Variants in ZNF722 observed in about 807,000 individuals in gnomAD.
The protein encoded by ZNF722 is zinc finger protein 479 pseudogene.
At chr7:64,008,802 G>A in the ZNF722 span, among the ~76,000 whole-genome samples, 1 of 152,192 alleles carries the variant, frequency 6.6e-6, no homozygotes, top group African/African-American at 2.4e-5. Flanking sequence ...TAGCTTGATG[G>A]GGATGGCATT....
chr7:64,002,763 C>T, the ZNF722 span, among the ~76,000 whole-genome samples: 19 of 152,306 alleles, frequency 1.2e-4, 1 homozygote, highest in South Asian at 3.9e-3. Flanking sequence ...CATGCATACA[C>T]ATTTCCCAAG....
the ZNF722 span, among the ~76,000 whole-genome samples, chr7:64,013,341 A>G: frequency 6.6e-6 from 1 of 152,140 alleles, no homozygotes; most frequent in South Asian, 2.1e-4. Flanking sequence ...ATAGATAGAC[A>G]TAATAGTTAT....
the ZNF722 span, among the ~76,000 whole-genome samples, chr7:64,000,063 CT>C: frequency 6.6e-6 from 1 of 151,712 alleles, no homozygotes; most frequent in Non-Finnish European, 1.5e-5. Context: ...CCACCTCAGC[CT>C]AATTACCTAC....
At chr7:64,000,816 C>T in the ZNF722 span, among the ~76,000 whole-genome samples, 1,735 of 151,618 alleles carry the variant, frequency 0.011, 30 homozygotes, top group African/African-American at 0.038. Context: ...TCTCACTCTC[C>T]GCCCAGGCTG....
At chr7:64,006,404 G>A in the ZNF722 span, 7 of 948,980 alleles carry the variant, frequency 7.4e-6, no homozygotes, top group African/African-American at 1.2e-4. Flanking sequence ...GTGGTCTGGG[G>A]AGCTGTGCTT....
At chr7:64,016,453 G>A in the ZNF722 span, among the ~76,000 whole-genome samples, 1 of 151,854 alleles carries the variant, frequency 6.6e-6, no homozygotes, top group African/African-American at 2.4e-5. Context: ...AAAAAAAAGT[G>A]AAAAAACCTT....
the ZNF722 span, among the ~76,000 whole-genome samples, chr7:64,007,230 G>GTGTGTGTATA: frequency 1.6e-4 from 22 of 138,512 alleles, no homozygotes; most frequent in Non-Finnish European, 2.9e-4. Flanking sequence ...GTTTGTGTGT[G>GTGTGTGTATA]TATATATATA....
At chr7:64,009,594 A>C in the ZNF722 span, among the ~76,000 whole-genome samples, 1 of 152,198 alleles carries the variant, frequency 6.6e-6, no homozygotes, top group African/African-American at 2.4e-5. Context: ...GATGAAGCTG[A>C]CTTGATCGTG....
the ZNF722 span, among the ~76,000 whole-genome samples, chr7:64,002,061 T>C: frequency 6.6e-6 from 1 of 152,014 alleles, no homozygotes; most frequent in South Asian, 2.1e-4. Flanking sequence ...TTTTGTATTT[T>C]TAGTAGAGAT....
At chr7:64,007,174 A>T in the ZNF722 span, among the ~76,000 whole-genome samples, 1 of 149,652 alleles carries the variant, frequency 6.7e-6, no homozygotes, top group African/African-American at 2.5e-5. Context: ...TTTTCTATAA[A>T]TTATTAATTT....
chr7:64,010,681 G>A, the ZNF722 span, among the ~76,000 whole-genome samples: 1 of 152,130 alleles, frequency 6.6e-6, no homozygotes. Context: ...TGAATTTTTG[G>A]AATAAGTGTG....
At chr7:64,004,500 A>G in the ZNF722 span, among the ~76,000 whole-genome samples, 100,344 of 142,260 alleles carry the variant, frequency 0.71, 36,083 homozygotes, top group Non-Finnish European at 0.77. Context: ...GAGGTGAGAA[A>G]TACCACAGCA....
chr7:64,005,820 A>C, the ZNF722 span: 2 of 1,279,768 alleles, frequency 1.6e-6, no homozygotes, highest in Non-Finnish European at 2.2e-6. Context: ...TCTGCTTTGC[A>C]TGAATAATTT....
At chr7:63,999,065 G>C in the ZNF722 span, 1 of 1,521,256 alleles carries the variant, frequency 6.6e-7, no homozygotes, top group Non-Finnish European at 9.1e-7. Context: ...AAAGTGGCTT[G>C]TAGCAGGACC....
chr7:64,009,556 G>GT, the ZNF722 span, among the ~76,000 whole-genome samples: 1 of 152,156 alleles, frequency 6.6e-6, no homozygotes, highest in Non-Finnish European at 1.5e-5. Context: ...ATTGATTTGT[G>GT]TATGTTGAAC....
chr7:64,017,742 T>C, the ZNF722 span, among the ~76,000 whole-genome samples: 1 of 152,182 alleles, frequency 6.6e-6, no homozygotes, highest in Admixed American at 6.5e-5. Flanking sequence ...GCACTGAAAC[T>C]TCAGACATTA....
the ZNF722 span, among the ~76,000 whole-genome samples, chr7:64,013,064 T>G: frequency 6.6e-6 from 1 of 152,170 alleles, no homozygotes; most frequent in Non-Finnish European, 1.5e-5. Context: ...TACAGTCTAC[T>G]GAACTGTGAA....
the ZNF722 span, among the ~76,000 whole-genome samples, chr7:64,009,187 C>T: frequency 3.9e-5 from 6 of 152,216 alleles, no homozygotes; most frequent in African/African-American, 1.4e-4. Context: ...ATGTCATCTG[C>T]AGCCAGGGAC....
chr7:64,004,606 AT>A, the ZNF722 span, among the ~76,000 whole-genome samples: 1 of 151,498 alleles, frequency 6.6e-6, no homozygotes, highest in African/African-American at 2.4e-5. Context: ...TGTCTCTGAC[AT>A]TTTTTCCACT....
Sources: allele counts gnomAD v4.1 joint callset (sites outside exome capture counted in the v4.1 genomes callset), GRCh38; gene constraint gnomAD v4.1.1; transcripts MANE v1.5; gene names NCBI Gene and HGNC (gene_info 2026-07-23, HGNC 2026-07-21).